WDR4: variants seen among roughly 807,000 people sequenced by gnomAD.
The protein encoded by WDR4 is WDR4 tRNA N7-guanosine methyltransferase non-catalytic subunit.
A neutral mutation model predicts 48.6 loss-of-function variants in WDR4; 47 were observed. The observed-to-expected ratio is 0.97, with a 90% CI of 0.77 to 1.23. The LOEUF (loss-of-function observed/expected upper bound fraction) is 1.23, where lower values mean the gene tolerates loss of function less well. Ranked by LOEUF, WDR4 falls within the 50% of genes most tolerant of loss-of-function variation. WDR4 has a pLI of 0.00. For synonymous variants in WDR4, 268 were observed against 230.0 expected (o/e 1.17, Z -1.49); for missense variants, 606 against 551.6 (o/e 1.10, Z -0.99).
chr21:42,879,548 G>T, upstream of WDR4: 1 of 1,593,306 alleles, frequency 6.3e-7, no homozygotes, highest in Non-Finnish European at 8.6e-7. Flanking sequence ...GCCTCTTCCT[G>T]TCCGCACCGG....
intron 6 of WDR4, 122 bp downstream of exon 6, chr21:42,859,540 G>T: frequency 2.5e-6 from 3 of 1,188,636 alleles, no homozygotes; most frequent in Non-Finnish European, 3.6e-6. Flanking sequence ...CTAAGATCTA[G>T]TGGACAGCCA....
chr21:42,880,013 C>G (rs1342451714), upstream of WDR4: 1 of 382,716 alleles, frequency 2.6e-6, no homozygotes, highest in African/African-American at 2.1e-5. Flanking sequence ...GACTGTAGCC[C>G]CAACTACTTG....
At chr21:42,859,527 G>T (rs2058067157) in intron 6 of WDR4, 135 bp downstream of exon 6, 2 of 847,932 alleles carry the variant, frequency 2.4e-6, no homozygotes, top group Non-Finnish European at 3.7e-6. Flanking sequence ...GCCGCAGGCA[G>T]CTCTAAGATC....
In WDR4 at chr21:42,879,174, G is replaced by A. The variant is rs2058571073; in HGVS notation, c.89+233C>T. ...CCGCAGACCAGCCATCTAGTGCAAG[G>A]AGCGCGCCGGAGCCGGGGAGCGGAC... On this transcript the variant is annotated intron_variant, in intron 1 of 10. Coordinates refer to ENST00000398208, the MANE Select transcript of WDR4 (RefSeq NM_018669.6). The A allele has an allele frequency of 3.0e-6, 4 of 1,335,164 alleles. No individual in the cohort carries two copies. The East Asian group carries it at 9.0e-5, about 30-fold the overall frequency. The allele number at this position is 1,335,164 out of a possible 1,614,324, so 82.7% of individuals were successfully genotyped here.
At chr21:42,891,617 G>A in the WDR4 span, among the ~76,000 whole-genome samples, 4 of 152,108 alleles carry the variant, frequency 2.6e-5, no homozygotes, top group Admixed American at 2.0e-4. Flanking sequence ...ACAAAGGCGA[G>A]CATGACCTTT....
intron 1 of WDR4, among the ~76,000 whole-genome samples, chr21:42,877,128 C>T (rs997683227): frequency 2.3e-5 from 3 of 133,050 alleles, no homozygotes; most frequent in Admixed American, 7.2e-5. Flanking sequence ...AGCCACTGCG[C>T]CTGGCCCTAA....
downstream of WDR4, among the ~76,000 whole-genome samples, chr21:42,848,576 C>CCTCA (rs1243988345): frequency 2.9e-3 from 113 of 39,576 alleles, 1 homozygote; most frequent in African/African-American, 7.8e-3. Context: ...GCGGCGCGCA[C>CCTCA]CTCACAGCAC....
In WDR4 at chr21:42,854,551, C is replaced by T. The variant is rs553853128; in HGVS notation, c.791+11G>A. On this transcript the variant is annotated intron_variant, in intron 8 of 10. Coordinates refer to ENST00000398208, the MANE Select transcript of WDR4 (RefSeq NM_018669.6). ...AGAACCGGAGGCCATAGAGGTGCCGCCGCAGCTTACCCGTCGCACAGGAGC... is the reference window on the plus strand; with the variant it reads ...AGAACCGGAGGCCATAGAGGTGCCGTCGCAGCTTACCCGTCGCACAGGAGC... 7 of 1,612,294 alleles carry T rather than the reference C, an allele frequency of 4.3e-6. No homozygotes were observed. Among genetic ancestry groups the T allele is most frequent in the Admixed American group, 3.3e-5 (2 of 59,708 alleles).
chr21:42,877,287 G>T (rs749944908), intron 1 of WDR4, among the ~76,000 whole-genome samples: 5 of 151,600 alleles, frequency 3.3e-5, no homozygotes, highest in Non-Finnish European at 5.9e-5. Context: ...GGAATTACAG[G>T]TATCTGCCAC....
intron 6 of WDR4, among the ~76,000 whole-genome samples, chr21:42,856,765 GCA>G (rs2058002778): frequency 6.6e-6 from 1 of 151,874 alleles, no homozygotes; most frequent in African/African-American, 2.4e-5. Context: ...ATGTATGAAT[GCA>G]CACACACACG....
chr21:42,881,907 C>T (rs752315180), upstream of WDR4, among the ~76,000 whole-genome samples: 82 of 152,186 alleles, frequency 5.4e-4, no homozygotes, highest in Middle Eastern at 0.01. Context: ...CGGGTTCAAG[C>T]GATTCTGCAT....
chr21:42,870,880 A>G, intron 3 of WDR4, among the ~76,000 whole-genome samples: 1 of 152,204 alleles, frequency 6.6e-6, no homozygotes, highest in East Asian at 1.9e-4. Flanking sequence ...ATCTCATGTG[A>G]ATTATGAAAG....
intron 3 of WDR4, among the ~76,000 whole-genome samples, chr21:42,865,275 T>C (rs1275256373): frequency 6.6e-6 from 1 of 152,048 alleles, no homozygotes; most frequent in African/African-American, 2.4e-5. Context: ...ATTCTCAGGG[T>C]GCACTGCAAT....
At chr21:42,880,120 G>C (rs1601197314), upstream of WDR4, among the ~76,000 whole-genome samples, 1 of 149,616 alleles carries the variant, frequency 6.7e-6, no homozygotes, top group Non-Finnish European at 1.5e-5. Context: ...GACAGAGCGA[G>C]ACTCTCTCTC....
chr21:42,875,686 AAC>A (rs2058474070), intron 2 of WDR4, among the ~76,000 whole-genome samples: 1 of 152,184 alleles, frequency 6.6e-6, no homozygotes, highest in Non-Finnish European at 1.5e-5. Context: ...CAACCGGGGT[AAC>A]AGAGAGACCC....
Position 42,863,605 on chromosome 21 carries a change from C to A in WDR4, c.297-9G>T, listed in dbSNP as rs1303136305. 4.3e-6 allele frequency: 7 copies of A among 1,609,500 alleles called. 1 individual carries two copies. In the Admixed American group the frequency reaches 5.0e-5, roughly 12 times the overall value. On this transcript the variant is annotated splice_polypyrimidine_tract_variant and intron_variant, in intron 3 of 10. Coordinates refer to ENST00000398208, the MANE Select transcript of WDR4 (RefSeq NM_018669.6). ...ACCTCCTTGCCACGGTCCTAGAAGG[C>A]CAGAAAGACACCCCCATTAGCTTCC...
Position 42,850,109 on chromosome 21 carries a change from C to A in WDR4, c.1179G>T (p.Pro393=). Residue 393 remains proline (P), a synonymous_variant, in exon 11 of 11, where the codon CCG becomes CCT. Coordinates refer to ENST00000398208, the MANE Select transcript of WDR4 (RefSeq NM_018669.6). ...LEKKQRRRSP[P]PGPDGHAKKM... is the part of the protein sequence containing the mutation. ...TCTTGGCATGCCCGTCGGGCCCAGG[C>A]GGGGGACTCCGGCGCCGCTGCTTCT... is the stretch of plus-strand genomic sequence containing the variant. The A allele has an allele frequency of 6.2e-7, 1 of 1,614,074 alleles. No individual in the cohort carries two copies. Among genetic ancestry groups the A allele is most frequent in the South Asian group, 1.1e-5 (1 of 91,064 alleles).
the WDR4 span, among the ~76,000 whole-genome samples, chr21:42,887,884 T>A: frequency 1.3e-5 from 2 of 151,704 alleles, no homozygotes; most frequent in Admixed American, 6.6e-5. Context: ...ATCGTGCTAC[T>A]GCACTCCAGC....
intron 3 of WDR4, among the ~76,000 whole-genome samples, chr21:42,870,251 G>A (rs959761485): frequency 3.3e-5 from 5 of 151,788 alleles, no homozygotes; most frequent in African/African-American, 9.7e-5. Context: ...CTCGGGAGGC[G>A]GAGGCAGAAG....
Sources: gnomAD v4.1 joint callset for allele counts (sites outside exome capture counted in the v4.1 genomes callset) on GRCh38, gnomAD v4.1.1 for gene constraint, MANE v1.5 for transcripts, NCBI Gene and HGNC (gene_info 2026-07-23, HGNC 2026-07-21) for gene names.